The following NEO1 variants were observed in gnomAD, a reference collection of about 807,000 sequenced individuals.
NEO1 encodes neogenin 1.
NEO1 carries 63 observed loss-of-function variants against 159.7 expected under a neutral mutation model. That is an observed-to-expected ratio of 0.39 (90% confidence interval 0.32 to 0.49). The LOEUF is 0.49. Among genes scored for constraint, NEO1 ranks in the 20% least tolerant of loss-of-function variants. The pLI, the probability that NEO1 is intolerant of heterozygous loss-of-function variation, is 0.85. For missense variants in NEO1, 1,615 were observed against 1,831.0 expected, an observed-to-expected ratio of 0.88 and a Z score of 2.15; for synonymous variants, 633 against 662.0, an observed-to-expected ratio of 0.96 and a Z score of 0.67.
chr15:73,146,314 C>T (rs1596145861), intron 5 of NEO1, among the ~76,000 whole-genome samples: 1 of 152,120 alleles, frequency 6.6e-6, no homozygotes, highest in African/African-American at 2.4e-5. Flanking sequence ...TTGACCACAA[C>T]GGATTGCTTA....
chr15:73,282,209 T>C (rs1042627639), intron 22 of NEO1, among the ~76,000 whole-genome samples: 2 of 152,216 alleles, frequency 1.3e-5, no homozygotes, highest in African/African-American at 2.4e-5. Context: ...TCAATCTAAA[T>C]TGGCTACCCA....
intron 4 of NEO1, among the ~76,000 whole-genome samples, chr15:73,130,605 T>C (rs1042746546): frequency 6.6e-6 from 1 of 152,226 alleles, no homozygotes; most frequent in African/African-American, 2.4e-5. Flanking sequence ...CCTTCCCAGG[T>C]TGTAGTGAAG....
chr15:73,119,102 C>A (rs2071485616), intron 2 of NEO1, among the ~76,000 whole-genome samples: 1 of 151,932 alleles, frequency 6.6e-6, no homozygotes, highest in Non-Finnish European at 1.5e-5. Flanking sequence ...TTGTAGGTGT[C>A]CTGGGGTAGT....
chr15:73,134,582 G>T (rs1275737514), intron 4 of NEO1, among the ~76,000 whole-genome samples: 2 of 146,476 alleles, frequency 1.4e-5, no homozygotes, highest in Admixed American at 6.9e-5. Context: ...ATGGAGTCTT[G>T]CTCTGTTGCC....
intron 1 of NEO1, among the ~76,000 whole-genome samples, chr15:73,104,164 A>C (rs2070554038): frequency 6.6e-6 from 1 of 152,164 alleles, no homozygotes; most frequent in Non-Finnish European, 1.5e-5. Context: ...GACTGGCCAA[A>C]TTATTATTTT....
At chr15:73,254,552 G>A (rs2040243126) in intron 12 of NEO1, 130 bp from the exon 13 acceptor site, 1 of 878,044 alleles carries the variant, frequency 1.1e-6, no homozygotes, top group Admixed American at 3.0e-5. Context: ...AAATAACTTT[G>A]TAAAACTCTG....
intron 7 of NEO1, among the ~76,000 whole-genome samples, chr15:73,197,771 C>T (rs2036620613): frequency 6.6e-6 from 1 of 150,550 alleles, no homozygotes; most frequent in Admixed American, 6.6e-5. Context: ...GCCTCTTCCT[C>T]CTGTGTTCAA....
chr15:73,249,274 C>A, intron 10 of NEO1, 66 bp downstream of exon 10: 1 of 1,525,118 alleles, frequency 6.6e-7, no homozygotes, highest in Non-Finnish European at 9.0e-7. Context: ...ATTTCCAAAA[C>A]TCAGTAGTTG....
rs563808375 is a variant in NEO1 at position 73,141,605 on chromosome 15, C to T, written c.1015+5578C>T. ...ATGGATAAATTCTAAATTGGCTACC[C>T]CTTTGACATTGTAAATACCTATAAC... On this transcript the variant is annotated intron_variant, in intron 5 of 28. Coordinates refer to ENST00000261908, the MANE Select transcript of NEO1 (RefSeq NM_002499.4). Among the ~76,000 whole-genome samples the T allele has an allele frequency of 3.3e-5, 5 of 152,304 alleles. No homozygotes were observed. The East Asian group carries it at 7.7e-4, about 23-fold the overall frequency.
chr15:73,301,199 G>C lies in NEO1; in HGVS notation c.4166-122G>C, dbSNP rs1017289367. On this transcript the variant is annotated intron_variant, in intron 27 of 28. Transcript: ENST00000261908. The stretch of plus-strand genomic sequence containing the variant: ...CTTATTCCAGTAACTTTTCAGAGCA[G>C]TATCCCTGCACTGGGTCTGTATGTC... 2.3e-5 allele frequency: 29 copies of C among 1,270,208 alleles called. No homozygotes were observed. In the African/African-American group the frequency reaches 4.2e-4, roughly 18 times the overall value. 78.7% of individuals were successfully genotyped at this position (1,270,208 alleles called of 1,614,324 possible).
chr15:73,181,305 C>T, intron 7 of NEO1, among the ~76,000 whole-genome samples: 1 of 152,088 alleles, frequency 6.6e-6, no homozygotes, highest in East Asian at 1.9e-4. Flanking sequence ...TAGAGGAAGA[C>T]AGAGTGCAAG....
In NEO1 at chr15:73,146,559, G is replaced by A. The variant is rs139796858; in HGVS notation, c.1015+10532G>A. 1.2e-4 allele frequency among the ~76,000 whole-genome samples: 19 copies of A among 152,244 alleles called. No homozygotes were observed. The East Asian group carries it at 3.7e-3, about 29-fold the overall frequency. On this transcript the variant is annotated intron_variant, in intron 5 of 28. Coordinates refer to ENST00000261908, the MANE Select transcript of NEO1 (RefSeq NM_002499.4). ...TTCTTAGATTTTTATTGCATCAGTGGTCATGTTAGCTTTGAGATAAATTCC... is the reference window on the plus strand; with the variant it reads ...TTCTTAGATTTTTATTGCATCAGTGATCATGTTAGCTTTGAGATAAATTCC...
At chr15:73,244,968 A>AAC (rs1555458836) in intron 9 of NEO1, among the ~76,000 whole-genome samples, 1 of 146,112 alleles carries the variant, frequency 6.8e-6, no homozygotes, top group African/African-American at 2.5e-5. Context: ...AAAAAAAAAA[A>AAC]AAAAAAAAAA....
At chr15:73,296,714 C>G (rs1202071103) in intron 26 of NEO1, among the ~76,000 whole-genome samples, 1 of 152,080 alleles carries the variant, frequency 6.6e-6, no homozygotes, top group African/African-American at 2.4e-5. Context: ...AGTACTGAAC[C>G]CTTTATATCT....
rs189138219 is a variant in NEO1 at position 73,245,117 on chromosome 15, G to C, written c.1606+619G>C. Among the ~76,000 whole-genome samples the C allele has an allele frequency of 7.4e-4, 112 of 152,120 alleles. 1 individual carries two copies. The highest frequency in any genetic ancestry group is 3.4e-3 in the Middle Eastern group (1 of 294). ...TGATTCTAATATTGTTATCTCCACA[G>C]TCTAAGATATTTATCACGTTTTTCC... On this transcript the variant is annotated intron_variant, in intron 9 of 28. Coordinates refer to ENST00000261908, the MANE Select transcript of NEO1 (RefSeq NM_002499.4).
chr15:73,208,813 G>T lies in NEO1; in HGVS notation c.1292-27534G>T, dbSNP rs183325378. On this transcript the variant is annotated intron_variant, in intron 7 of 28. Transcript: ENST00000261908. ...GGAGGTCAAGGCTGCAGTGAGCTGT[G>T]ATTGCACCACTGCACTCCAGCCTGG... 8.3e-4 allele frequency among the ~76,000 whole-genome samples: 127 copies of T among 152,304 alleles called. 3 individuals are homozygous for T. The highest frequency in any genetic ancestry group is 4.6e-4 in the Admixed American group (7 of 15,304).
chr15:73,158,541 C>T (rs899579007), intron 5 of NEO1, among the ~76,000 whole-genome samples: 5 of 151,700 alleles, frequency 3.3e-5, no homozygotes, highest in Admixed American at 6.6e-5. Context: ...GGGACCACTA[C>T]GACACCCAGC....
chr15:73,163,080 GT>G (rs2034306898), intron 5 of NEO1, among the ~76,000 whole-genome samples: 1 of 151,790 alleles, frequency 6.6e-6, no homozygotes, highest in African/African-American at 2.4e-5. Context: ...CTTCCTAAAG[GT>G]TTTATACTTT....
chr15:73,100,434 A>G (rs1459426688), intron 1 of NEO1, among the ~76,000 whole-genome samples: 1 of 151,684 alleles, frequency 6.6e-6, no homozygotes, highest in Non-Finnish European at 1.5e-5. Flanking sequence ...TCCCAGGTTC[A>G]AGCGATTCTC....
Sources: allele counts gnomAD v4.1 joint callset (sites outside exome capture counted in the v4.1 genomes callset), GRCh38; gene constraint gnomAD v4.1.1; transcripts MANE v1.5; gene names NCBI Gene and HGNC (gene_info 2026-07-23, HGNC 2026-07-21).